Variants in MYO5B observed in about 807,000 individuals in gnomAD.
The protein encoded by MYO5B is myosin VB.
MYO5B carries 143 observed loss-of-function variants against 229.3 expected under a neutral mutation model. That is an observed-to-expected ratio of 0.62 (90% CI 0.54 to 0.72). The LOEUF (loss-of-function observed/expected upper bound fraction) is 0.72, where lower values mean the gene tolerates loss of function less well. Ranked by LOEUF, MYO5B falls within the 30% of genes least tolerant of loss-of-function variation. The pLI, the probability that MYO5B is intolerant of heterozygous loss-of-function variation, is 0.00. For missense variants in MYO5B, 2,321 were observed against 2,331.0 expected, an observed-to-expected ratio of 1.00 and a Z score of 0.09; for synonymous variants, 918 against 885.2, an observed-to-expected ratio of 1.04 and a Z score of -0.66.
intron 32 of MYO5B, among the ~76,000 whole-genome samples, chr18:49,848,588 C>G (rs1360864597): frequency 1.6e-5 from 2 of 127,570 alleles, no homozygotes; most frequent in Non-Finnish European, 1.7e-5. Context: ...AAAGGCCAGA[C>G]AGTGCTGTGA....
Position 49,929,377 on chromosome 18 carries a change from G to T in MYO5B, c.2090+135C>A, listed in dbSNP as rs1598889130. On this transcript the variant is annotated intron_variant, in intron 17 of 39. Transcript: ENST00000285039. ...AGAGTCTCATTTCCATCAGCATCCT[G>T]CTTGGGCCTCAATGTTTGGGAACCG... 4.3e-6 allele frequency: 3 copies of T among 700,340 alleles called. No homozygotes were observed. The East Asian group carries it at 8.1e-5, about 19-fold the overall frequency. The allele number at this position is 700,340 out of a possible 1,614,324, so 43.4% of individuals were successfully genotyped here. A position where few individuals can be genotyped will look rare whatever the true frequency, so the allele number is the denominator to read the frequency against.
At chr18:50,001,521 T>G (rs1351224750) in intron 4 of MYO5B, 110 bp from the exon 5 acceptor site, 1 of 1,298,030 alleles carries the variant, frequency 7.7e-7, no homozygotes, top group African/African-American at 1.5e-5. Context: ...CTCTCCTACT[T>G]TAATGGATAA....
chr18:49,831,730 T>G (rs2023925146), intron 39 of MYO5B, among the ~76,000 whole-genome samples: 2 of 152,196 alleles, frequency 1.3e-5, no homozygotes, highest in Non-Finnish European at 2.9e-5. Flanking sequence ...AGAGTTACCA[T>G]ATGACCCAGT....
chr18:50,085,590 A>T (rs2031312616), intron 1 of MYO5B, among the ~76,000 whole-genome samples: 1 of 152,208 alleles, frequency 6.6e-6, no homozygotes, highest in African/African-American at 2.4e-5. Context: ...ATTATAAATC[A>T]TGCTGCTATA....
chr18:50,021,212 C>T (rs545796710), intron 4 of MYO5B, among the ~76,000 whole-genome samples: 65 of 152,314 alleles, frequency 4.3e-4, no homozygotes, highest in African/African-American at 1.5e-3. Flanking sequence ...CCTGCCATGC[C>T]ACAGCTGTGA....
At position 49,992,562 on chromosome 18, in the gene MYO5B, A is replaced by G; in HGVS notation, c.613-131T>C. On this transcript the variant is annotated intron_variant, in intron 5 of 39. Coordinates refer to ENST00000285039, the MANE Select transcript of MYO5B (RefSeq NM_001080467.3). ...AGAAACCCTCTGTTCTTGGGATGACAATGAACTGAGCTAAAGAATAAAACA... is the reference window on the plus strand; with the variant it reads ...AGAAACCCTCTGTTCTTGGGATGACGATGAACTGAGCTAAAGAATAAAACA... The G allele has an allele frequency of 3.8e-6, 5 of 1,326,604 alleles. No individual in the cohort carries two copies. The South Asian group carries it at 6.0e-5, about 16-fold the overall frequency. 82.2% of individuals were successfully genotyped at this position (1,326,604 alleles called of 1,614,324 possible).
chr18:50,039,957 A>T (rs1389324345), intron 3 of MYO5B, among the ~76,000 whole-genome samples, 186 bp downstream of exon 3: 1 of 152,174 alleles, frequency 6.6e-6, no homozygotes, highest in Non-Finnish European at 1.5e-5. Flanking sequence ...AACACCAATC[A>T]TCCCACAGAG....
chr18:49,877,269 A>G (rs72644903), intron 25 of MYO5B, among the ~76,000 whole-genome samples: 18,843 of 152,260 alleles, frequency 0.12, 1,427 homozygotes, highest in East Asian at 0.29. Context: ...CTAAGAGGCT[A>G]TTACCAACAA....
Position 49,930,848 on chromosome 18 carries a change from T to C in MYO5B, c.2004-1250A>G, listed in dbSNP as rs140469620. Among the ~76,000 whole-genome samples the C allele has an allele frequency of 9.8e-3, 1,469 of 149,782 alleles. 53 individuals carry two copies. The East Asian group carries it at 0.15, about 15-fold the overall frequency. The stretch of plus-strand genomic sequence containing the variant: ...CAGAGGTTGCAGTGAGCTGAGATCG[T>C]GCCACTGCACTGCAGCCTGGGTGAC... On this transcript the variant is annotated intron_variant, in intron 16 of 39. Coordinates refer to ENST00000285039, the MANE Select transcript of MYO5B (RefSeq NM_001080467.3).
At chr18:49,894,111 C>A (rs918312351) in intron 22 of MYO5B, among the ~76,000 whole-genome samples, 2 of 152,224 alleles carry the variant, frequency 1.3e-5, no homozygotes. Context: ...CCGCAGGGCC[C>A]TTCCTGCAGC....
intron 4 of MYO5B, among the ~76,000 whole-genome samples, chr18:50,018,744 C>T (rs1357856180): frequency 6.6e-6 from 1 of 152,124 alleles, no homozygotes; most frequent in East Asian, 1.9e-4. Context: ...CTGCTTCTTA[C>T]GATGATAAAG....
At chr18:49,927,911 A>T (rs960481899) in intron 17 of MYO5B, among the ~76,000 whole-genome samples, 1 of 152,246 alleles carries the variant, frequency 6.6e-6, no homozygotes, top group Non-Finnish European at 1.5e-5. Context: ...TAAACTAAAA[A>T]ACTTCTGCAC....
intron 1 of MYO5B, among the ~76,000 whole-genome samples, chr18:50,115,002 G>A (rs1279537984): frequency 2.0e-5 from 3 of 152,224 alleles, no homozygotes; most frequent in African/African-American, 4.8e-5. Context: ...ACATAGCAGA[G>A]AACAGAGACG....
chr18:50,097,199 C>G (rs781096347), intron 1 of MYO5B: 1 of 456,536 alleles, frequency 2.2e-6, no homozygotes, highest in South Asian at 1.6e-5. Flanking sequence ...CCATTCCCCA[C>G]AGATGTCATC....
At chr18:50,188,808 A>C (rs537278986) in intron 1 of MYO5B, among the ~76,000 whole-genome samples, 67,022 of 144,156 alleles carry the variant, frequency 0.46, 16,427 homozygotes, top group Admixed American at 0.54. Flanking sequence ...AAAAAAAAAA[A>C]AAAAAAAAAC....
At chr18:49,863,423 G>C (rs1474050494) in intron 28 of MYO5B, 96 bp from the exon 29 acceptor site, 1 of 1,023,300 alleles carries the variant, frequency 9.8e-7, no homozygotes, top group African/African-American at 1.6e-5. Context: ...TTTGGGAAAA[G>C]ACAAAGGCCT....
At chr18:50,186,510 G>T (rs983236319) in intron 1 of MYO5B, among the ~76,000 whole-genome samples, 1 of 152,132 alleles carries the variant, frequency 6.6e-6, no homozygotes. Context: ...ACCATATCTT[G>T]TCTACCGCTC....
chr18:50,007,345 GTC>G (rs1317017874), intron 4 of MYO5B, among the ~76,000 whole-genome samples: 2 of 152,176 alleles, frequency 1.3e-5, no homozygotes, highest in Non-Finnish European at 2.9e-5. Context: ...CCAGGGTGTA[GTC>G]TGTTTCCTTC....
chr18:50,025,782 C>T (rs2026324351), intron 4 of MYO5B, among the ~76,000 whole-genome samples: 1 of 152,130 alleles, frequency 6.6e-6, no homozygotes, highest in Non-Finnish European at 1.5e-5. Flanking sequence ...CCAGCAGGGG[C>T]CCGTGGGACA....
Sources: allele counts gnomAD v4.1 joint callset (sites outside exome capture counted in the v4.1 genomes callset), GRCh38; gene constraint gnomAD v4.1.1; transcripts MANE v1.5; gene names NCBI Gene and HGNC (gene_info 2026-07-23, HGNC 2026-07-21).